The following SYT6 variants were observed in gnomAD, a reference collection of about 807,000 sequenced individuals.
The protein encoded by SYT6 is synaptotagmin-6.
In SYT6, 24 loss-of-function variants were observed where a neutral mutation model predicts 38.4. The ratio of observed to expected loss-of-function variants is 0.62; its 90% CI spans 0.45 to 0.88. SYT6 has a LOEUF of 0.88. SYT6 is among the 40% of genes least tolerant of loss of function. The pLI, the probability that SYT6 is intolerant of heterozygous loss-of-function variation, is 0.00. For missense variants in SYT6, 611 were observed against 621.0 expected (o/e 0.98, Z 0.17); for synonymous variants, 265 against 241.9 (o/e 1.10, Z -0.89).
chr1:114,121,611 C>A (rs1343626265), intron 3 of SYT6, among the ~76,000 whole-genome samples: 1 of 152,116 alleles, frequency 6.6e-6, no homozygotes, highest in African/African-American at 2.4e-5. Flanking sequence ...GAATGTAATA[C>A]TTTACCTTGA....
chr1:114,146,965 C>T (rs1679188125), intron 1 of SYT6, among the ~76,000 whole-genome samples: 1 of 152,152 alleles, frequency 6.6e-6, no homozygotes, highest in Non-Finnish European at 1.5e-5. Context: ...ATAAATATCA[C>T]CTATTTTTAT....
rs769394914 is a variant in SYT6 at position 114,137,549 on chromosome 1, G to C, written c.1017C>G (p.Ala339=). Residue 339 remains alanine, a synonymous_variant, in exon 3 of 8, where the codon GCC becomes GCG. Coordinates refer to ENST00000610222, the MANE Select transcript of SYT6 (RefSeq NM_001253772.2). ...GEVILDNLFE[A]SDLSRETSIW... ...TGGAGGTTTCCCGAGACAGGTCAGA[G>C]GCCTCAAAGAGGTTGTCCAGGATGA... The C allele has an allele frequency of 6.2e-7, 1 of 1,614,102 alleles. No individual in the cohort carries two copies. Among genetic ancestry groups the C allele is most frequent in the African/African-American group, 1.3e-5 (1 of 74,936 alleles).
chr1:114,120,025 C>G (rs534294714), intron 3 of SYT6, among the ~76,000 whole-genome samples: 1 of 149,688 alleles, frequency 6.7e-6, no homozygotes, highest in South Asian at 2.1e-4. Context: ...GAGCCGAGAT[C>G]GCACCACTGC....
At position 114,138,057 on chromosome 1, in the gene SYT6, G is replaced by T. The variant is rs755369985; in HGVS notation, c.513-4C>A. 9.3e-6 allele frequency: 15 copies of T among 1,612,350 alleles called. No individual in the cohort carries two copies. The African/African-American group carries it at 1.5e-4, about 16-fold the overall frequency. On this transcript the variant is annotated splice_polypyrimidine_tract_variant and splice_region_variant and intron_variant, in intron 2 of 7. Coordinates refer to ENST00000610222, the MANE Select transcript of SYT6 (RefSeq NM_001253772.2). ...GTGGCGCTTGAAGGACGTGTGCCTG[G>T]TAGAGGGCAGGAGGGGGCAGAGGGA...
chr1:114,089,447 C>T lies in SYT6; in HGVS notation c.*2687G>A, dbSNP rs942520632. 1 of 152,562 alleles carries T rather than the reference C, an allele frequency of 6.6e-6. No individual in the cohort carries two copies. The highest frequency in any genetic ancestry group is 1.5e-5 in the Non-Finnish European group (1 of 68,038). The allele number at this position is 152,562 out of a possible 1,614,324, so 9.5% of individuals were successfully genotyped here. On this transcript the variant is annotated 3_prime_UTR_variant, in exon 8 of 8. Transcript: ENST00000610222. ...GAGGGGGAGGAGGGCGTCTTTCAGC[C>T]CGGAAACACTGCTAAATAAAGGAGA...
Position 114,092,050 on chromosome 1 carries a change from C to G in SYT6, c.*84G>C, listed in dbSNP as rs1297105143. 1 of 1,536,174 alleles carries G rather than the reference C, an allele frequency of 6.5e-7. No individual in the cohort carries two copies. Among genetic ancestry groups the G allele is most frequent in the East Asian group, 2.4e-5 (1 of 41,074 alleles). ...GTGGTTTCGGAGATGGGCACGAGCTCTCACTGTCGAAGCTAGCAGCTCGGC... is the reference window on the plus strand; with the variant it reads ...GTGGTTTCGGAGATGGGCACGAGCTGTCACTGTCGAAGCTAGCAGCTCGGC... On this transcript the variant is annotated 3_prime_UTR_variant, in exon 8 of 8. Coordinates refer to ENST00000610222, the MANE Select transcript of SYT6 (RefSeq NM_001253772.2).
Position 114,153,671 on chromosome 1 carries a change from C to T in SYT6, c.102G>A (p.Val34=). The change falls in exon 1 of 8, where the codon GTG becomes GTA. Residue 34 remains valine (V), a synonymous_variant. Coordinates refer to ENST00000610222, the MANE Select transcript of SYT6 (RefSeq NM_001253772.2). ...GCAGCTCGAAGCTCCGACAAGTCTCCACGTCCAGCCCGAGAGGGGGCGGCC... is the reference window on the plus strand; with the variant it reads ...GCAGCTCGAAGCTCCGACAAGTCTCTACGTCCAGCCCGAGAGGGGGCGGCC... ...RARPPPLGLD[V]ETCRSFELQP... is the part of the protein sequence containing the mutation. 1 of 670,806 alleles carries T rather than the reference C, an allele frequency of 1.5e-6. No individual in the cohort carries two copies. 41.6% of individuals were successfully genotyped at this position (670,806 alleles called of 1,614,324 possible).
At chr1:114,113,208 C>T (rs796335389) in intron 3 of SYT6, among the ~76,000 whole-genome samples, 1 of 152,214 alleles carries the variant, frequency 6.6e-6, no homozygotes, top group Non-Finnish European at 1.5e-5. Context: ...TCTTTCCAGC[C>T]TTTCACAGAG....
At chr1:114,138,164 C>G (rs941428931) in intron 2 of SYT6, 111 bp from the exon 3 acceptor site, 3 of 1,082,772 alleles carry the variant, frequency 2.8e-6, no homozygotes, top group Non-Finnish European at 2.6e-6. Context: ...TTGTTGAGCC[C>G]CCTTTTCCTT....
chr1:114,092,613 G>T (rs1339862731), intron 7 of SYT6, among the ~76,000 whole-genome samples: 1 of 152,108 alleles, frequency 6.6e-6, no homozygotes, highest in African/African-American at 2.4e-5. Flanking sequence ...CACCTGACTT[G>T]TGGAGAGGTA....
intron 1 of SYT6, among the ~76,000 whole-genome samples, chr1:114,148,739 A>G (rs980622109): frequency 6.6e-6 from 1 of 152,112 alleles, no homozygotes; most frequent in Non-Finnish European, 1.5e-5. Flanking sequence ...TACATTATCT[A>G]ATTTAACCTT....
intron 3 of SYT6, among the ~76,000 whole-genome samples, chr1:114,120,865 C>G (rs2101039219): frequency 6.6e-6 from 1 of 152,342 alleles, no homozygotes; most frequent in African/African-American, 2.4e-5. Flanking sequence ...GGCTAGGACC[C>G]CCTCCTACGT....
intron 3 of SYT6, among the ~76,000 whole-genome samples, chr1:114,127,972 G>A (rs368617419): frequency 1.1e-4 from 16 of 152,332 alleles, no homozygotes; most frequent in South Asian, 1.0e-3. Flanking sequence ...CCAAGGACCC[G>A]GTGGCTTCTG....
chr1:114,096,094 G>T (rs900791474), intron 6 of SYT6, among the ~76,000 whole-genome samples: 47 of 152,170 alleles, frequency 3.1e-4, no homozygotes, highest in Admixed American at 3.1e-3. Flanking sequence ...AAGATAAGTG[G>T]GGGAGGAGGG....
At chr1:114,093,037 C>T (rs927758220) in intron 7 of SYT6, among the ~76,000 whole-genome samples, 1 of 152,132 alleles carries the variant, frequency 6.6e-6, no homozygotes, top group Non-Finnish European at 1.5e-5. Flanking sequence ...AGATGGCCTT[C>T]CTGACCTGGA....
At chr1:114,132,853 A>C (rs1440039819) in intron 3 of SYT6, among the ~76,000 whole-genome samples, 1 of 152,196 alleles carries the variant, frequency 6.6e-6, no homozygotes, top group African/African-American at 2.4e-5. Flanking sequence ...ACTAGAAGCC[A>C]TTATTAATCC....
At chr1:114,130,175 C>T (rs191262446) in intron 3 of SYT6, among the ~76,000 whole-genome samples, 2 of 151,808 alleles carry the variant, frequency 1.3e-5, no homozygotes, top group Admixed American at 6.5e-5. Context: ...AACCCACCCT[C>T]CCCAACCCAA....
rs1328692408 is a variant in SYT6 at position 114,093,802 on chromosome 1, C to A, written c.1517G>T (p.Gly506Val). The change falls in exon 7 of 8, where the codon GGA becomes GTA. Residue 506 changes from glycine (G) to valine (V), a missense_variant and splice_region_variant. Gly to Val is a moderately radical substitution (Grantham distance 109). Coordinates refer to ENST00000610222, the MANE Select transcript of SYT6 (RefSeq NM_001253772.2). ...LVEVKKSFKE[G>V]NPRL ...TGAATGAAATCACAACCGAGGGTTT[C>A]CCTGGTGAAATATTTTAGATAAATA... The A allele has an allele frequency of 1.2e-6, 2 of 1,614,040 alleles. No homozygotes were observed.
chr1:114,150,690 G>A (rs1387066371), intron 1 of SYT6, among the ~76,000 whole-genome samples: 1 of 152,134 alleles, frequency 6.6e-6, no homozygotes, highest in Non-Finnish European at 1.5e-5. Flanking sequence ...TTTCTACAAG[G>A]CAAATGACAC....
Sources: gnomAD v4.1 joint callset for allele counts (sites outside exome capture counted in the v4.1 genomes callset) on GRCh38, gnomAD v4.1.1 for gene constraint, MANE v1.5 for transcripts, NCBI Gene and HGNC (gene_info 2026-07-23, HGNC 2026-07-21) for gene names.